ENPP6: variants seen among roughly 807,000 people sequenced by gnomAD.
The protein encoded by ENPP6 is glycerophosphocholine cholinephosphodiesterase ENPP6.
ENPP6 carries 32 observed loss-of-function variants against 42.0 expected under a neutral mutation model. That is an observed-to-expected ratio of 0.76 (90% CI 0.58 to 1.02). The LOEUF (loss-of-function observed/expected upper bound fraction) is 1.02. ENPP6 is among the 50% of genes least tolerant of loss of function. ENPP6 has a pLI of 0.00. For missense variants in ENPP6, 552 were observed against 566.8 expected (o/e 0.97, Z 0.27); for synonymous variants, 213 against 216.0 (o/e 0.99, Z 0.12).
chr4:184,141,614 G>A (rs1736822565), intron 2 of ENPP6, among the ~76,000 whole-genome samples: 1 of 152,106 alleles, frequency 6.6e-6, no homozygotes, highest in South Asian at 2.1e-4. Context: ...TCAGTTTTTA[G>A]GACCTCCTCT....
chr4:184,150,298 G>A (rs1057080935), intron 2 of ENPP6, among the ~76,000 whole-genome samples: 4 of 152,088 alleles, frequency 2.6e-5, no homozygotes, highest in Non-Finnish European at 5.9e-5. Context: ...AGGAAGACTT[G>A]AACTAGTGCC....
At chr4:184,153,356 T>A (rs1211970758) in intron 2 of ENPP6, among the ~76,000 whole-genome samples, 198 bp downstream of exon 2, 2 of 152,184 alleles carry the variant, frequency 1.3e-5, no homozygotes, top group Admixed American at 6.5e-5. Context: ...ACTCCTGACT[T>A]CAGGTGATCC....
intron 6 of ENPP6, among the ~76,000 whole-genome samples, chr4:184,112,426 G>A (rs964896732): frequency 9.2e-5 from 14 of 152,274 alleles, no homozygotes; most frequent in Non-Finnish European, 1.5e-4. Context: ...GTTAATGCCC[G>A]TTTGTTAAAA....
chr4:184,217,673 A>G lies in ENPP6; in HGVS notation c.147T>C (p.Gly49=). 1 of 1,614,182 alleles carries G rather than the reference A, an allele frequency of 6.2e-7. No individual in the cohort carries two copies. Among genetic ancestry groups the G allele is most frequent in the East Asian group, 2.2e-5 (1 of 44,882 alleles). ...ISDEALESLP[G]FKEIVSRGVK... is the part of the protein sequence containing the mutation. Reference sequence around the variant, plus strand: ...CTCCCCTGCTCACAATCTCTTTGAAACCAGGCAATGACTCCAGCGCCTCAT... The same window carrying G: ...CTCCCCTGCTCACAATCTCTTTGAAGCCAGGCAATGACTCCAGCGCCTCAT... The change falls in exon 1 of 8, where the codon GGT becomes GGC. Residue 49 remains glycine, a synonymous_variant. Coordinates refer to ENST00000296741, the MANE Select transcript of ENPP6 (RefSeq NM_153343.4).
chr4:184,131,136 A>ACTTTCTTTCTTTCTTTCTTTCTTTCTTT lies in ENPP6; in HGVS notation c.422-6865_422-6864insAAAGAAAGAAAGAAAGAAAGAAAGAAAG, dbSNP rs1426151263. 3.7e-4 allele frequency among the ~76,000 whole-genome samples: 46 copies of ACTTTCTTTCTTTCTTTCTTTCTTTCTTT among 125,368 alleles called. 3 individuals carry two copies. The highest frequency in any genetic ancestry group is 1.1e-3 in the Admixed American group (15 of 13,052). The allele number at this position is 125,368 out of a possible 152,430, so 82.2% of individuals were successfully genotyped here. A position where few individuals can be genotyped will look rare whatever the true frequency, so the allele number is the denominator to read the frequency against. ...ATTGTTTCAACTTGCTTCCACCAGCACTTACTTTCTTTCTTTCTTTCTTTC... is the reference window on the plus strand; with the variant it reads ...ATTGTTTCAACTTGCTTCCACCAGCACTTTCTTTCTTTCTTTCTTTCTTTCTTTCTTACTTTCTTTCTTTCTTTCTTTC... On this transcript the variant is annotated intron_variant, in intron 2 of 7. Coordinates refer to ENST00000296741, the MANE Select transcript of ENPP6 (RefSeq NM_153343.4).
intron 1 of ENPP6, among the ~76,000 whole-genome samples, chr4:184,213,393 GA>G (rs1189381267): frequency 2.6e-5 from 4 of 151,852 alleles, no homozygotes; most frequent in East Asian, 1.9e-4. Context: ...AAATTTACAA[GA>G]AAAAAACAAA....
intron 1 of ENPP6, among the ~76,000 whole-genome samples, chr4:184,161,126 A>G (rs1417543562): frequency 6.6e-6 from 1 of 152,218 alleles, no homozygotes; most frequent in Non-Finnish European, 1.5e-5. Flanking sequence ...ACTGGGAGAA[A>G]ATCTTCTCAA....
chr4:184,171,526 A>G (rs1423741543), intron 1 of ENPP6, among the ~76,000 whole-genome samples: 1 of 152,234 alleles, frequency 6.6e-6, no homozygotes, highest in Non-Finnish European at 1.5e-5. Context: ...GGGATTTGTT[A>G]CGGCAGCTTT....
intron 1 of ENPP6, among the ~76,000 whole-genome samples, chr4:184,211,573 A>C (rs1341176118): frequency 2.0e-5 from 3 of 152,330 alleles, no homozygotes; most frequent in East Asian, 3.8e-4. Flanking sequence ...CAATAACAGG[A>C]TCTGAAATTG....
intron 6 of ENPP6, among the ~76,000 whole-genome samples, chr4:184,112,396 A>G (rs1002578643): frequency 9.2e-5 from 14 of 152,202 alleles, no homozygotes; most frequent in Non-Finnish European, 1.8e-4. Context: ...AACAGGTTAC[A>G]TTGTAAGCCG....
intron 6 of ENPP6, among the ~76,000 whole-genome samples, chr4:184,106,773 G>A (rs535968420): frequency 6.6e-6 from 1 of 152,352 alleles, no homozygotes; most frequent in East Asian, 1.9e-4. Flanking sequence ...AGGGAGGGCA[G>A]GAGTGGGGGC....
chr4:184,141,372 TC>T (rs1736817510), intron 2 of ENPP6, among the ~76,000 whole-genome samples: 1 of 152,008 alleles, frequency 6.6e-6, no homozygotes, highest in African/African-American at 2.4e-5. Flanking sequence ...ATCTTGCAAG[TC>T]CCCCCAACAT....
chr4:184,147,765 C>A, intron 2 of ENPP6, among the ~76,000 whole-genome samples: 1 of 150,036 alleles, frequency 6.7e-6, no homozygotes, highest in South Asian at 2.1e-4. Context: ...TGCACCAATG[C>A]ACTCTAGCCT....
chr4:184,188,711 C>G (rs755414381), intron 1 of ENPP6, among the ~76,000 whole-genome samples: 7 of 152,088 alleles, frequency 4.6e-5, no homozygotes, highest in African/African-American at 1.7e-4. Flanking sequence ...AGAAAAGATT[C>G]AGGAAAATGT....
At chr4:184,130,728 G>C (rs1736592046) in intron 2 of ENPP6, among the ~76,000 whole-genome samples, 1 of 150,932 alleles carries the variant, frequency 6.6e-6, no homozygotes, top group African/African-American at 2.4e-5. Context: ...ACTGACAAGA[G>C]AGAGAGAGTG....
At chr4:184,118,602 G>A (rs1736364708) in intron 3 of ENPP6, among the ~76,000 whole-genome samples, 1 of 152,208 alleles carries the variant, frequency 6.6e-6, no homozygotes, top group Non-Finnish European at 1.5e-5. Flanking sequence ...TGTCTTTTGT[G>A]AAAGGATGAT....
chr4:184,204,781 G>A (rs1450630420), intron 1 of ENPP6, among the ~76,000 whole-genome samples: 1 of 152,214 alleles, frequency 6.6e-6, no homozygotes, highest in African/African-American at 2.4e-5. Context: ...AGGGTAATCA[G>A]TTCACTAAAT....
At chr4:184,185,085 G>A (rs1732609354) in intron 1 of ENPP6, among the ~76,000 whole-genome samples, 1 of 152,176 alleles carries the variant, frequency 6.6e-6, no homozygotes, top group Admixed American at 6.5e-5. Flanking sequence ...CCTGAGATAA[G>A]TAAATATAGC....
chr4:184,194,899 T>TG (rs1732770780), intron 1 of ENPP6, among the ~76,000 whole-genome samples: 1 of 152,058 alleles, frequency 6.6e-6, no homozygotes, highest in Non-Finnish European at 1.5e-5. Flanking sequence ...CCCAACTCCG[T>TG]GGGACTGCCT....
Sources: allele counts gnomAD v4.1 joint callset (sites outside exome capture counted in the v4.1 genomes callset), GRCh38; gene constraint gnomAD v4.1.1; transcripts MANE v1.5; gene names NCBI Gene and HGNC (gene_info 2026-07-23, HGNC 2026-07-21).